The following SLC18B1 variants were observed in gnomAD, a reference collection of about 807,000 sequenced individuals.
SLC18B1 encodes the protein MFS-type transporter SLC18B1.
SLC18B1 carries 62 observed loss-of-function variants against 53.9 expected under a neutral mutation model. That is an observed-to-expected ratio of 1.15 (90% CI 0.94 to 1.42). SLC18B1 has a LOEUF of 1.42. Among genes scored for constraint, SLC18B1 ranks in the 40% most tolerant of loss-of-function variants. The pLI is 0.00. For missense variants in SLC18B1, 598 were observed against 547.3 expected (o/e 1.09, Z -0.93); for synonymous variants, 217 against 200.9 (o/e 1.08, Z -0.68).
intron 1 of SLC18B1, among the ~76,000 whole-genome samples, chr6:132,797,819 A>C (rs1020450196): frequency 6.6e-6 from 1 of 152,216 alleles, no homozygotes; most frequent in Non-Finnish European, 1.5e-5. Flanking sequence ...CTTTTACATC[A>C]GTTAATTTAA....
intron 6 of SLC18B1, among the ~76,000 whole-genome samples, chr6:132,780,882 G>A (rs1394476586): frequency 2.6e-5 from 4 of 151,944 alleles, no homozygotes; most frequent in Non-Finnish European, 5.9e-5. Flanking sequence ...TTAATTATAA[G>A]CCAAGTATTC....
chr6:132,787,400 A>G (rs1431372372), intron 5 of SLC18B1, 34 bp downstream of exon 5: 1 of 1,508,428 alleles, frequency 6.6e-7, no homozygotes, highest in Non-Finnish European at 8.8e-7. Context: ...GCCTACACTC[A>G]AAGGAAAGTG....
In SLC18B1 at chr6:132,784,592, C is replaced by T. The variant is rs569723079; in HGVS notation, c.502-503G>A. ...ATGAGCAAATTTGAACCACAAGATA[C>T]CAATTTTCACCTATCTCTATCGAAC... On this transcript the variant is annotated intron_variant, in intron 5 of 13. Transcript: ENST00000275227. Among the ~76,000 whole-genome samples, 24 of 152,258 alleles carry T rather than the reference C, an allele frequency of 1.6e-4. No homozygotes were observed. In the South Asian group the frequency reaches 4.6e-3, roughly 29 times the overall value.
intron 1 of SLC18B1, 36 bp from the exon 2 acceptor site, chr6:132,797,157 T>C (rs1781715973): frequency 6.2e-7 from 1 of 1,610,230 alleles, no homozygotes; most frequent in Admixed American, 1.7e-5. Context: ...GGCATATAAT[T>C]GAGACTACTG....
intron 2 of SLC18B1, among the ~76,000 whole-genome samples, chr6:132,791,327 C>T (rs891481933): frequency 1.3e-5 from 2 of 152,202 alleles, no homozygotes; most frequent in African/African-American, 4.8e-5. Context: ...TGCACACATG[C>T]GCACATACTT....
At chr6:132,796,813 G>C (rs1271382696) in intron 2 of SLC18B1, among the ~76,000 whole-genome samples, 169 bp downstream of exon 2, 2 of 151,794 alleles carry the variant, frequency 1.3e-5, no homozygotes, top group East Asian at 3.9e-4. Context: ...TTTTTTTCCT[G>C]GTATCAGGCA....
intron 8 of SLC18B1, among the ~76,000 whole-genome samples, chr6:132,776,056 T>C (rs1209219453): frequency 3.3e-5 from 5 of 152,156 alleles, no homozygotes; most frequent in Admixed American, 3.3e-4. Context: ...ACGACAAAGT[T>C]GGGGGAAGAA....
intron 5 of SLC18B1, among the ~76,000 whole-genome samples, chr6:132,786,046 A>G (rs1562267964): frequency 1.3e-5 from 2 of 152,282 alleles, no homozygotes; most frequent in African/African-American, 2.4e-5. Flanking sequence ...TGAACTGGGC[A>G]TCTCTAAGTT....
Position 132,792,283 on chromosome 6 carries a change from G to GAAAGAAAGAAAGAAAGAAA in SLC18B1, c.184-2012_184-2011insTTTCTTTCTTTCTTTCTTT, listed in dbSNP as rs71003613. Among the ~76,000 whole-genome samples the GAAAGAAAGAAAGAAAGAAA allele has an allele frequency of 9.4e-4, 46 of 49,030 alleles. 5 individuals are homozygous for GAAAGAAAGAAAGAAAGAAA. The highest frequency in any genetic ancestry group is 5.2e-3 in the African/African-American group (41 of 7,880). 32.2% of individuals were successfully genotyped at this position (49,030 alleles called of 152,430 possible). A position where few individuals can be genotyped will look rare whatever the true frequency, so the allele number is the denominator to read the frequency against. On this transcript the variant is annotated intron_variant, in intron 2 of 13. Coordinates refer to ENST00000275227, the MANE Select transcript of SLC18B1 (RefSeq NM_052831.3). ...AGAAAGAAAGAAAGAAAGAAAGAAAGGAAGAAAGGAAGGAAGGAAGGAAGG... is the reference window on the plus strand; with the variant it reads ...AGAAAGAAAGAAAGAAAGAAAGAAAGAAAGAAAGAAAGAAAGAAAGAAGAAAGGAAGGAAGGAAGGAAGG...
chr6:132,784,013 C>A lies in SLC18B1; in HGVS notation c.578G>T (p.Gly193Val), dbSNP rs1781304944. The change falls in exon 6 of 14, where the codon GGC (glycine) becomes GTC (valine). Residue 193 changes from glycine (G) to valine (V), a missense_variant. Transcript: ENST00000275227. ...PVGGFLYQSFGYEVPFIVLGC... is the reference protein window; with the variant it reads ...PVGGFLYQSFVYEVPFIVLGC... ...CAGAACAATAAAAGGCACTTCATAG[C>A]CAAAGGATTGATACAAAAAGCCACC... 3.1e-6 allele frequency: 5 copies of A among 1,611,078 alleles called. No homozygotes were observed. The highest frequency in any genetic ancestry group is 4.2e-6 in the Non-Finnish European group (5 of 1,178,772).
At chr6:132,785,178 T>C (rs1781339495) in intron 5 of SLC18B1, among the ~76,000 whole-genome samples, 1 of 151,748 alleles carries the variant, frequency 6.6e-6, no homozygotes, top group African/African-American at 2.4e-5. Context: ...TATGTGGAAT[T>C]TCTCTGCAAG....
Position 132,770,249 on chromosome 6 carries a change from A to C in SLC18B1, c.*21T>G, listed in dbSNP as rs372843449. The C allele has an allele frequency of 1.6e-5, 25 of 1,599,720 alleles. No individual in the cohort carries two copies. The African/African-American group carries it at 3.2e-4, about 21-fold the overall frequency. Reference sequence around the variant, plus strand: ...AGGAGCATTCATTTCTCAACCTTGTATCAATCCAGGATCCATCGGACTAGG... The same window carrying C: ...AGGAGCATTCATTTCTCAACCTTGTCTCAATCCAGGATCCATCGGACTAGG... On this transcript the variant is annotated 3_prime_UTR_variant, in exon 14 of 14. Transcript: ENST00000275227.
chr6:132,771,892 G>C (rs1780984167), intron 11 of SLC18B1, among the ~76,000 whole-genome samples: 1 of 152,184 alleles, frequency 6.6e-6, no homozygotes. Flanking sequence ...AGGAGTTCAA[G>C]ACCAGCCTGG....
At position 132,786,506 on chromosome 6, in the gene SLC18B1, T is replaced by C. The variant is rs548918202; in HGVS notation, c.501+928A>G. The stretch of plus-strand genomic sequence containing the variant: ...GGAGCTTGCAGTGAGCCGAGATCGC[T>C]CCACTGCACTCCAGCCTGGGCTACG... On this transcript the variant is annotated intron_variant, in intron 5 of 13. Transcript: ENST00000275227. Among the ~76,000 whole-genome samples, 291 of 125,942 alleles carry C rather than the reference T, an allele frequency of 2.3e-3. 1 individual carries two copies. Among genetic ancestry groups the C allele is most frequent in the African/African-American group, 8.6e-3 (274 of 31,904 alleles). The allele number at this position is 125,942 out of a possible 152,430, so 82.6% of individuals were successfully genotyped here. A position where few individuals can be genotyped will look rare whatever the true frequency, so the allele number is the denominator to read the frequency against.
intron 5 of SLC18B1, among the ~76,000 whole-genome samples, chr6:132,785,531 A>C (rs1034035109): frequency 2.6e-5 from 4 of 152,206 alleles, no homozygotes; most frequent in African/African-American, 7.2e-5. Flanking sequence ...TCAAAACTTC[A>C]TAAAGAACAT....
intron 4 of SLC18B1, 145 bp from the exon 5 acceptor site, chr6:132,787,726 T>G: frequency 2.9e-6 from 2 of 680,030 alleles, no homozygotes; most frequent in South Asian, 4.9e-5. Context: ...TTTAAAAGAG[T>G]TGCTTTGTTG....
intron 9 of SLC18B1, 31 bp downstream of exon 9, chr6:132,774,191 G>T: frequency 6.5e-7 from 1 of 1,534,894 alleles, no homozygotes; most frequent in Non-Finnish European, 8.9e-7. Context: ...AATGTTATTT[G>T]GCCAAACATA....
chr6:132,784,532 A>C (rs1248081433), intron 5 of SLC18B1, among the ~76,000 whole-genome samples: 2 of 152,236 alleles, frequency 1.3e-5, no homozygotes, highest in African/African-American at 2.4e-5. Flanking sequence ...GAATACAAAG[A>C]TCTTTTAGAA....
At chr6:132,789,862 G>A in intron 3 of SLC18B1, 25 bp from the exon 4 acceptor site, 1 of 1,542,178 alleles carries the variant, frequency 6.5e-7, no homozygotes, top group Non-Finnish European at 9.0e-7. Context: ...AAAGAAGAGT[G>A]GTAAATTTAT....
Sources: gnomAD v4.1 joint callset for allele counts (sites outside exome capture counted in the v4.1 genomes callset) on GRCh38, gnomAD v4.1.1 for gene constraint, MANE v1.5 for transcripts, NCBI Gene and HGNC (gene_info 2026-07-23, HGNC 2026-07-21) for gene names.